The following VPS13B variants were observed in gnomAD, a reference collection of about 807,000 sequenced individuals.
The protein encoded by VPS13B is intermembrane lipid transfer protein VPS13B.
In VPS13B, 285 loss-of-function variants were observed where a neutral mutation model predicts 426.4. That is an observed-to-expected ratio of 0.67 (90% confidence interval 0.61 to 0.74). The LOEUF is 0.74. Among genes scored for constraint, VPS13B ranks in the 30% least tolerant of loss-of-function variants. VPS13B has a pLI of 0.00. For synonymous variants in VPS13B, 1,676 were observed against 1,676.4 expected, an observed-to-expected ratio of 1.00 and a Z score of 0.01; for missense variants, 4,537 against 4,782.6, an observed-to-expected ratio of 0.95 and a Z score of 1.51.
Position 99,717,256 on chromosome 8 carries a change from A to G in VPS13B, c.6540A>G (p.Ile2180Met). The G allele has an allele frequency of 1.1e-5, 17 of 1,614,108 alleles. No homozygotes were observed. The highest frequency in any genetic ancestry group is 1.4e-5 in the Non-Finnish European group (17 of 1,179,976). Residue 2180 changes from isoleucine (I) to methionine (M), a missense_variant, in exon 37 of 62, where the codon ATA becomes ATG. By Grantham distance (10) the Ile-to-Met change is conservative. This residue lies in a region of VPS13B where 4,311 missense variants were observed against 4,474.3 expected (regional missense o/e 0.96). Coordinates refer to ENST00000357162, the MANE Select transcript of VPS13B (RefSeq NM_152564.5). ...TSLKERSRIL[I>M]GPCCATANLE... ...TCAAAGAAAGAAGCCGCATTCTGATAGGACCATGTTGTGCTACTGCCAATC... is the reference window on the plus strand; with the variant it reads ...TCAAAGAAAGAAGCCGCATTCTGATGGGACCATGTTGTGCTACTGCCAATC...
At position 99,809,432 on chromosome 8, in the gene VPS13B, G is replaced by A. The variant is rs1250056053; in HGVS notation, c.7999G>A (p.Val2667Met). ...GNWRWSEPFS[V>M]DHAGTFIRTI... ...CTGGCGTTGGTCAGAGCCTTTCAGT[G>A]TGGACCATGCCGGGACTTTTATTAG... is the stretch of plus-strand genomic sequence containing the variant. The change falls in exon 44 of 62, where the codon GTG (valine) becomes ATG (methionine). Residue 2667 changes from valine to methionine, a missense_variant. By Grantham distance (21) the Val-to-Met change is conservative. Coordinates refer to ENST00000357162, the MANE Select transcript of VPS13B (RefSeq NM_152564.5). 2 of 1,614,006 alleles carry A rather than the reference G, an allele frequency of 1.2e-6. No homozygotes were observed. Among genetic ancestry groups the A allele is most frequent in the South Asian group, 1.1e-5 (1 of 91,068 alleles).
At chr8:99,582,786 GC>G (rs1826130511) in intron 33 of VPS13B, among the ~76,000 whole-genome samples, 1 of 152,086 alleles carries the variant, frequency 6.6e-6, no homozygotes, top group South Asian at 2.1e-4. Context: ...CTCCCGAGTA[GC>G]TGGGACTAGA....
In VPS13B at chr8:99,231,503, T is replaced by A. The variant is rs138323509; in HGVS notation, c.2515+38446T>A. ...CTCTCTTTTTCTTTGTCATCTTTTC[T>A]TTTTTAATAAATGTTTTCAAGGTTT... is the stretch of plus-strand genomic sequence containing the variant. On this transcript the variant is annotated intron_variant, in intron 17 of 61. Coordinates refer to ENST00000357162, the MANE Select transcript of VPS13B (RefSeq NM_152564.5). Among the ~76,000 whole-genome samples, 954 of 152,322 alleles carry A rather than the reference T, an allele frequency of 6.3e-3. 8 individuals are homozygous for A. Among genetic ancestry groups the A allele is most frequent in the African/African-American group, 0.022 (895 of 41,566 alleles).
intron 39 of VPS13B, among the ~76,000 whole-genome samples, chr8:99,743,003 G>A (rs940124397): frequency 3.9e-5 from 6 of 152,110 alleles, no homozygotes; most frequent in African/African-American, 1.4e-4. Context: ...AGGAAATAAA[G>A]GGTATTCAAT....
At chr8:99,630,258 A>C (rs139228699) in intron 33 of VPS13B, among the ~76,000 whole-genome samples, 1 of 152,068 alleles carries the variant, frequency 6.6e-6, no homozygotes, top group African/African-American at 2.4e-5. Flanking sequence ...TGTTGTTCTG[A>C]TTAATAAACC....
chr8:99,555,844 A>G (rs1824533721), intron 30 of VPS13B, among the ~76,000 whole-genome samples: 1 of 152,156 alleles, frequency 6.6e-6, no homozygotes, highest in Non-Finnish European at 1.5e-5. Context: ...GTTATTCTAC[A>G]TCAGAAACCT....
intron 4 of VPS13B, among the ~76,000 whole-genome samples, chr8:99,100,508 T>G (rs1654378667): frequency 6.6e-6 from 1 of 152,018 alleles, no homozygotes; most frequent in Non-Finnish European, 1.5e-5. Context: ...CAGGCTGATC[T>G]CGAACCCCTG....
chr8:99,036,691 C>T (rs1459423046), intron 2 of VPS13B, among the ~76,000 whole-genome samples: 1 of 152,094 alleles, frequency 6.6e-6, no homozygotes. Flanking sequence ...AACATTTGTA[C>T]TCTGAGAACT....
At chr8:99,499,502 C>T (rs1821112499) in intron 25 of VPS13B, among the ~76,000 whole-genome samples, 1 of 152,092 alleles carries the variant, frequency 6.6e-6, no homozygotes, top group Non-Finnish European at 1.5e-5. Context: ...TTTAAGCATA[C>T]TTCTACTCTA....
At position 99,859,362 on chromosome 8, in the gene VPS13B, C is replaced by A. The variant is rs753373848; in HGVS notation, c.10926C>A (p.Ile3642=). The change falls in exon 57 of 62, where the codon ATC becomes ATA. Residue 3642 remains isoleucine, a synonymous_variant. Coordinates refer to ENST00000357162, the MANE Select transcript of VPS13B (RefSeq NM_152564.5). ...LGSPASLVRS[I]GNGVADFFRL... ...GCCCTGCAAGCCTGGTGAGAAGCAT[C>A]GGGAACGGGGTCGCCGACTTCTTCA... 22 of 1,613,944 alleles carry A rather than the reference C, an allele frequency of 1.4e-5. No individual in the cohort carries two copies. The highest frequency in any genetic ancestry group is 1.9e-5 in the Non-Finnish European group (22 of 1,180,008).
intron 8 of VPS13B, among the ~76,000 whole-genome samples, chr8:99,130,119 T>G (rs907370912): frequency 6.6e-6 from 1 of 152,230 alleles, no homozygotes; most frequent in African/African-American, 2.4e-5. Context: ...TAATATATCT[T>G]TTTATAATTT....
intron 12 of VPS13B, among the ~76,000 whole-genome samples, chr8:99,137,609 G>A (rs148339772): frequency 6.6e-6 from 1 of 151,736 alleles, no homozygotes; most frequent in East Asian, 1.9e-4. Flanking sequence ...ATTTGTTTTT[G>A]ATGAAGAAAG....
intron 54 of VPS13B, among the ~76,000 whole-genome samples, chr8:99,842,574 C>G (rs1395995453): frequency 6.6e-6 from 1 of 151,946 alleles, no homozygotes; most frequent in Non-Finnish European, 1.5e-5. Flanking sequence ...ATGATCACGC[C>G]ACAGCATTCC....
chr8:99,287,690 A>G (rs1323199593), intron 19 of VPS13B, among the ~76,000 whole-genome samples: 1 of 152,040 alleles, frequency 6.6e-6, no homozygotes, highest in East Asian at 1.9e-4. Flanking sequence ...GGACAAAAGT[A>G]AGAAGCACAA....
At position 99,778,679 on chromosome 8, in the gene VPS13B, C is replaced by T. The variant is rs1362031008; in HGVS notation, c.7430-3C>T. On this transcript the variant is annotated splice_polypyrimidine_tract_variant and splice_region_variant and intron_variant, in intron 41 of 61. Transcript: ENST00000357162. ...CTGTTTTCCTTGTTTGTTTTCTCAA[C>T]AGCTGCACCACAGTACCTACAGCCA... is the stretch of plus-strand genomic sequence containing the variant. 1.2e-6 allele frequency: 2 copies of T among 1,613,262 alleles called. No individual in the cohort carries two copies. Among genetic ancestry groups the T allele is most frequent in the East Asian group, 2.2e-5 (1 of 44,822 alleles).
At chr8:99,625,629 C>T (rs894598611) in intron 33 of VPS13B, among the ~76,000 whole-genome samples, 5 of 151,866 alleles carry the variant, frequency 3.3e-5, no homozygotes, top group Non-Finnish European at 5.9e-5. Flanking sequence ...CTGAGGCGGG[C>T]GATCACATAA....
chr8:99,300,846 G>C (rs1275374492), intron 19 of VPS13B, among the ~76,000 whole-genome samples: 1 of 149,452 alleles, frequency 6.7e-6, no homozygotes, highest in Non-Finnish European at 1.5e-5. Flanking sequence ...CTACCTCATA[G>C]TGTTATTGGG....
At chr8:99,125,166 C>T (rs1848135640) in intron 8 of VPS13B, among the ~76,000 whole-genome samples, 1 of 152,118 alleles carries the variant, frequency 6.6e-6, no homozygotes, top group Non-Finnish European at 1.5e-5. Context: ...GTCGGAGTCC[C>T]AAAACCTCAA....
At position 99,391,707 on chromosome 8, in the gene VPS13B, A is replaced by G. The variant is rs1482989100; in HGVS notation, c.3082+3A>G. 3 of 1,613,868 alleles carry G rather than the reference A, an allele frequency of 1.9e-6. No individual in the cohort carries two copies. The highest frequency in any genetic ancestry group is 2.5e-6 in the Non-Finnish European group (3 of 1,179,938). ...TGTAAAAACAAAAACGGTAACAGGT[A>G]TGTGTCAAGTACTGTAAAGGGACTA... On this transcript the variant is annotated splice_donor_region_variant and intron_variant, in intron 21 of 61. Transcript: ENST00000357162.
Sources: allele counts gnomAD v4.1 joint callset (sites outside exome capture counted in the v4.1 genomes callset), GRCh38; gene constraint gnomAD v4.1.1; regional missense constraint gnomAD v4.1.1; transcripts MANE v1.5; gene names NCBI Gene and HGNC (gene_info 2026-07-23, HGNC 2026-07-21).